Variants in SLC12A6 observed in about 807,000 individuals in gnomAD.
SLC12A6 encodes K-Cl cotransporter 3.
Under a neutral mutation model 135.3 loss-of-function variants are expected in SLC12A6, and 66 were observed. The ratio of observed to expected loss-of-function variants is 0.49; its 90% confidence interval spans 0.40 to 0.60. The LOEUF (loss-of-function observed/expected upper bound fraction) is 0.60, where lower values mean the gene tolerates loss of function less well. Ranked by LOEUF, SLC12A6 falls within the 20% of genes least tolerant of loss-of-function variation. The pLI, the probability that SLC12A6 is intolerant of heterozygous loss-of-function variation, is 0.00. For synonymous variants in SLC12A6, 513 were observed against 508.8 expected, an observed-to-expected ratio of 1.01 and a Z score of -0.11; for missense variants, 1,058 against 1,452.3, an observed-to-expected ratio of 0.73 and a Z score of 4.41.
Position 34,242,168 on chromosome 15 carries a change from G to A in SLC12A6, c.2096C>T (p.Ser699Phe), listed in dbSNP as rs1225183760. 2.5e-6 allele frequency: 4 copies of A among 1,592,402 alleles called. 1 individual carries two copies. The highest frequency in any genetic ancestry group is 3.4e-6 in the Non-Finnish European group (4 of 1,160,444). ...SICLALMFIS[S>F]WYYAIVAMVI... ...CATGGCTACAATGGCATAATACCAG[G>A]AAGAAATGAACATCAGAGCCAGACA... Residue 699 changes from serine (S) to phenylalanine (F), a missense_variant, in exon 17 of 26, where the codon TCC (serine) becomes TTC (phenylalanine). Ser to Phe is a radical substitution (Grantham distance 155). This residue lies in a region of SLC12A6 where 170 missense variants were observed against 297.6 expected (regional missense o/e 0.57). Transcript: ENST00000354181.
At position 34,255,379 on chromosome 15, in the gene SLC12A6, G is replaced by A. The variant is rs758402010; in HGVS notation, c.759C>T (p.Tyr253=). The change falls in exon 8 of 26, where the codon TAC becomes TAT. Residue 253 remains tyrosine (Y), a synonymous_variant. Transcript: ENST00000354181. ...TNGVVPAGGS[Y]FMISRALGPE... is the part of the protein sequence containing the mutation. ...GGCCCAGTGCCCGGGAAATCATAAA[G>A]TATGAGCCCCCAGCTAAAAGACAAA... The A allele has an allele frequency of 1.2e-6, 2 of 1,610,104 alleles. No homozygotes were observed. Among genetic ancestry groups the A allele is most frequent in the South Asian group, 2.2e-5 (2 of 90,988 alleles).
At chr15:34,317,857 T>C (rs958808782) in intron 2 of SLC12A6, among the ~76,000 whole-genome samples, 1 of 152,234 alleles carries the variant, frequency 6.6e-6, no homozygotes, top group Non-Finnish European at 1.5e-5. Context: ...TTAACAAAGA[T>C]TTAATTGCTT....
chr15:34,320,123 C>T (rs1344620427), intron 2 of SLC12A6, among the ~76,000 whole-genome samples: 3 of 152,108 alleles, frequency 2.0e-5, no homozygotes, highest in Non-Finnish European at 2.9e-5. Flanking sequence ...GAATGCCTTC[C>T]ATCTGACAAG....
chr15:34,276,951 C>A (rs1014802137), intron 2 of SLC12A6, among the ~76,000 whole-genome samples: 1 of 152,118 alleles, frequency 6.6e-6, no homozygotes. Flanking sequence ...AGGTAGAAAT[C>A]TGATTTCTAC....
chr15:34,247,906 G>A (rs1252060050), intron 13 of SLC12A6, among the ~76,000 whole-genome samples: 1 of 152,018 alleles, frequency 6.6e-6, no homozygotes, highest in Non-Finnish European at 1.5e-5. Flanking sequence ...GTCTTGCTAT[G>A]TTGCCTAGGC....
chr15:34,255,937 C>T (rs973974618), intron 7 of SLC12A6, among the ~76,000 whole-genome samples: 1 of 152,046 alleles, frequency 6.6e-6, no homozygotes, highest in Admixed American at 6.5e-5. Flanking sequence ...CACTGCACTC[C>T]AGCCTGGGTG....
chr15:34,272,015 G>A (rs1002759759), intron 3 of SLC12A6, among the ~76,000 whole-genome samples: 7 of 150,782 alleles, frequency 4.6e-5, no homozygotes, highest in African/African-American at 7.3e-5. Context: ...TCACTCTGCC[G>A]CCCAGGCTAG....
intron 2 of SLC12A6, among the ~76,000 whole-genome samples, chr15:34,285,688 C>CTA (rs1371144504): frequency 8.0e-4 from 14 of 17,532 alleles, no homozygotes; most frequent in African/African-American, 3.4e-3. Context: ...ACAAAATGTG[C>CTA]TATATGTGTG....
In SLC12A6 at chr15:34,245,889, G is replaced by T. The variant is rs778532811; in HGVS notation, c.1650-22C>A. ...GAACCTGGGAAAGAAATAGGAGTGGGAAATTTAATCTGGAAATAACTTTAG... is the reference window on the plus strand; with the variant it reads ...GAACCTGGGAAAGAAATAGGAGTGGTAAATTTAATCTGGAAATAACTTTAG... On this transcript the variant is annotated intron_variant, in intron 13 of 25. Transcript: ENST00000354181. The T allele has an allele frequency of 2.5e-6, 4 of 1,591,064 alleles. No homozygotes were observed. In the African/African-American group the frequency reaches 4.0e-5, roughly 16 times the overall value.
At chr15:34,287,899 T>C (rs948552050) in intron 2 of SLC12A6, among the ~76,000 whole-genome samples, 3 of 152,234 alleles carry the variant, frequency 2.0e-5, no homozygotes, top group South Asian at 2.1e-4. Context: ...GATGGATAGA[T>C]AGCAAAAATT....
chr15:34,335,244 T>C (rs1220871943), intron 2 of SLC12A6, among the ~76,000 whole-genome samples: 1 of 152,038 alleles, frequency 6.6e-6, no homozygotes, highest in African/African-American at 2.4e-5. Flanking sequence ...AAAGAAAAAA[T>C]GATTAGTCAA....
At position 34,337,685 on chromosome 15, in the gene SLC12A6, T is replaced by A. The variant is rs915327920; in HGVS notation, c.-426A>T. 4 of 152,300 alleles carry A rather than the reference T, an allele frequency of 2.6e-5. No individual in the cohort carries two copies. Among genetic ancestry groups the A allele is most frequent in the African/African-American group, 9.7e-5 (4 of 41,424 alleles). The allele number at this position is 152,300 out of a possible 1,614,324, so 9.4% of individuals were successfully genotyped here. A position where few individuals can be genotyped will look rare whatever the true frequency, so the allele number is the denominator to read the frequency against. The stretch of plus-strand genomic sequence containing the variant: ...AGACGGCCACGCAGGCTGGCCTGAC[T>A]GGGCAGCAGGGTGAGGGAGAAGGAG... On this transcript the variant is annotated 5_prime_UTR_variant, in exon 1 of 26. Coordinates refer to ENST00000354181, the MANE Select transcript of SLC12A6 (RefSeq NM_001365088.1).
At chr15:34,331,616 T>G (rs7166043) in intron 2 of SLC12A6, among the ~76,000 whole-genome samples, 51,705 of 152,132 alleles carry the variant, frequency 0.34, 8,819 homozygotes, top group South Asian at 0.44. Context: ...AAGTTATATG[T>G]GATATCACAT....
At chr15:34,294,494 A>T (rs1178268072) in intron 2 of SLC12A6, among the ~76,000 whole-genome samples, 1 of 152,180 alleles carries the variant, frequency 6.6e-6, no homozygotes, top group African/African-American at 2.4e-5. Context: ...TGACCGCGTG[A>T]TTCACCCACC....
chr15:34,282,703 G>A (rs1894767822), intron 2 of SLC12A6, among the ~76,000 whole-genome samples: 1 of 152,126 alleles, frequency 6.6e-6, no homozygotes, highest in African/African-American at 2.4e-5. Flanking sequence ...AATGAGCTAT[G>A]ATCACTCACT....
intron 2 of SLC12A6, among the ~76,000 whole-genome samples, chr15:34,276,102 T>C (rs1357605772): frequency 6.6e-6 from 1 of 152,132 alleles, no homozygotes; most frequent in Non-Finnish European, 1.5e-5. Context: ...ATGGTTAAAA[T>C]GGTAACTTCT....
intron 2 of SLC12A6, among the ~76,000 whole-genome samples, chr15:34,331,177 GTATT>G (rs1160514854): frequency 3.9e-5 from 6 of 152,100 alleles, no homozygotes; most frequent in African/African-American, 1.2e-4. Flanking sequence ...CAGGGTAGAG[GTATT>G]TATTTATTTG....
intron 2 of SLC12A6, among the ~76,000 whole-genome samples, chr15:34,283,417 A>C (rs568961179): frequency 1.9e-4 from 29 of 152,312 alleles, no homozygotes; most frequent in African/African-American, 7.0e-4. Flanking sequence ...AAAGAAAATA[A>C]AGAAGGGTGA....
intron 2 of SLC12A6, among the ~76,000 whole-genome samples, chr15:34,310,177 G>GTGTGTA (rs1211365781): frequency 1.0e-5 from 1 of 99,136 alleles, no homozygotes; most frequent in African/African-American, 6.3e-5. Context: ...CCCAGCTAGT[G>GTGTGTA]TGTGTGTGTG....
Sources: allele counts gnomAD v4.1 joint callset (sites outside exome capture counted in the v4.1 genomes callset), GRCh38; gene constraint gnomAD v4.1.1; regional missense constraint gnomAD v4.1.1; transcripts MANE v1.5; gene names NCBI Gene and HGNC (gene_info 2026-07-23, HGNC 2026-07-21).